The following NTNG1 variants were observed in gnomAD, a reference collection of about 807,000 sequenced individuals.
NTNG1 encodes the protein netrin G1.
A neutral mutation model predicts 54.0 loss-of-function variants in NTNG1; 16 were observed. The ratio of observed to expected loss-of-function variants is 0.30; its 90% CI spans 0.20 to 0.45. NTNG1 has a LOEUF of 0.45. NTNG1 is among the 20% of genes least tolerant of loss of function. NTNG1 has a pLI of 1.00. For missense variants in NTNG1, 530 were observed against 678.7 expected, an observed-to-expected ratio of 0.78 and a Z score of 2.43; for synonymous variants, 255 against 263.1, an observed-to-expected ratio of 0.97 and a Z score of 0.30.
chr1:107,288,204 G>T (rs1488558000), intron 2 of NTNG1, among the ~76,000 whole-genome samples: 3 of 152,122 alleles, frequency 2.0e-5, no homozygotes, highest in African/African-American at 7.2e-5. Flanking sequence ...TGAGGTAAAA[G>T]CAAGAGAAAA....
At chr1:107,363,456 C>T (rs1041924333) in intron 3 of NTNG1, among the ~76,000 whole-genome samples, 3 of 152,148 alleles carry the variant, frequency 2.0e-5, no homozygotes, top group Non-Finnish European at 2.9e-5. Context: ...AATATAACTG[C>T]GTTCAACATC....
At chr1:107,444,950 G>A (rs557237850) in intron 7 of NTNG1, among the ~76,000 whole-genome samples, 1 of 152,080 alleles carries the variant, frequency 6.6e-6, no homozygotes, top group Admixed American at 6.6e-5. Flanking sequence ...GTGTGAGTGT[G>A]TATGTAAGAA....
At chr1:107,173,022 G>T (rs1049974310) in intron 2 of NTNG1, among the ~76,000 whole-genome samples, 2 of 152,102 alleles carry the variant, frequency 1.3e-5, no homozygotes, top group African/African-American at 4.8e-5. Context: ...ATTAGTATGA[G>T]ATTGGTTCAG....
intron 2 of NTNG1, among the ~76,000 whole-genome samples, chr1:107,202,206 A>G (rs114873367): frequency 2.6e-3 from 391 of 151,940 alleles, no homozygotes; most frequent in African/African-American, 9.1e-3. Flanking sequence ...AATTTAATCC[A>G]TTTATATTTA....
chr1:107,174,272 A>G (rs1477487469), intron 2 of NTNG1, among the ~76,000 whole-genome samples: 2 of 152,110 alleles, frequency 1.3e-5, no homozygotes, highest in African/African-American at 4.8e-5. Context: ...CAAAAATAAA[A>G]AGCACAGTTA....
At chr1:107,477,273 C>T (rs777014887) in intron 7 of NTNG1, among the ~76,000 whole-genome samples, 32 of 152,150 alleles carry the variant, frequency 2.1e-4, no homozygotes, top group Admixed American at 3.3e-4. Context: ...GAACCTCTAA[C>T]GGTGTGATGA....
chr1:107,199,014 AT>A (rs201683079), intron 2 of NTNG1, among the ~76,000 whole-genome samples: 8,014 of 149,200 alleles, frequency 0.054, 221 homozygotes, highest in African/African-American at 0.078. Flanking sequence ...TGAAATTGCT[AT>A]TTTTTTTTTG....
At chr1:107,146,289 G>A (rs932102710) in intron 1 of NTNG1, among the ~76,000 whole-genome samples, 1 of 152,020 alleles carries the variant, frequency 6.6e-6, no homozygotes, top group Admixed American at 6.5e-5. Context: ...CACTGCTTCA[G>A]TTATAATGCC....
chr1:107,374,327 C>T (rs1671099991), intron 3 of NTNG1, among the ~76,000 whole-genome samples: 1 of 152,032 alleles, frequency 6.6e-6, no homozygotes, highest in Non-Finnish European at 1.5e-5. Context: ...ATTTGGCCCA[C>T]CCATCTCTCT....
chr1:107,456,657 AG>A (rs1324874855), intron 7 of NTNG1, among the ~76,000 whole-genome samples: 2 of 152,178 alleles, frequency 1.3e-5, no homozygotes, highest in Admixed American at 1.3e-4. Flanking sequence ...TGACTCTGAA[AG>A]TAGGTTAAAG....
intron 7 of NTNG1, among the ~76,000 whole-genome samples, chr1:107,450,596 G>C (rs1202788817): frequency 2.6e-5 from 4 of 151,944 alleles, no homozygotes; most frequent in Non-Finnish European, 5.9e-5. Context: ...AAAAAAGAAG[G>C]CTACAAAATT....
chr1:107,146,653 A>G (rs886138674), intron 1 of NTNG1, among the ~76,000 whole-genome samples: 3 of 152,104 alleles, frequency 2.0e-5, no homozygotes, highest in African/African-American at 7.2e-5. Flanking sequence ...ATAGGAACTC[A>G]AATATTCAAC....
rs535874079 is a variant in NTNG1, at chr1:107,407,628, T to C, written c.1061-54T>C. On this transcript the variant is annotated intron_variant, in intron 4 of 7. Transcript: ENST00000370068. ...AGATTTTTATATTAAGTTAAAGATGTTATGTACTAATAAATAGCTAACAGC... is the reference window on the plus strand; with the variant it reads ...AGATTTTTATATTAAGTTAAAGATGCTATGTACTAATAAATAGCTAACAGC... 2.2e-6 allele frequency: 3 copies of C among 1,385,022 alleles called. No homozygotes were observed. The East Asian group carries it at 6.9e-5, about 32-fold the overall frequency. The allele number at this position is 1,385,022 out of a possible 1,614,324, so 85.8% of individuals were successfully genotyped here.
chr1:107,362,266 G>T (rs1670346639), intron 3 of NTNG1, among the ~76,000 whole-genome samples: 1 of 152,138 alleles, frequency 6.6e-6, no homozygotes, highest in African/African-American at 2.4e-5. Context: ...CTTGCCCAAA[G>T]GAATAACTAA....
At chr1:107,242,669 A>C (rs1226176174) in intron 2 of NTNG1, among the ~76,000 whole-genome samples, 2 of 152,128 alleles carry the variant, frequency 1.3e-5, no homozygotes, top group African/African-American at 2.4e-5. Flanking sequence ...TAGTTGCTGT[A>C]TTTTTATATA....
In NTNG1 at chr1:107,148,124, A is replaced by T. The variant is rs1654267339; in HGVS notation, c.-470A>T. 6.4e-6 allele frequency: 1 copy of T among 156,720 alleles called. No homozygotes were observed. The highest frequency in any genetic ancestry group is 1.9e-4 in the South Asian group (1 of 5,160). The allele number at this position is 156,720 out of a possible 1,614,324, so 9.7% of individuals were successfully genotyped here. A position where few individuals can be genotyped will look rare whatever the true frequency, so the allele number is the denominator to read the frequency against. On this transcript the variant is annotated 5_prime_UTR_variant, in exon 2 of 8. Coordinates refer to ENST00000370068, the MANE Select transcript of NTNG1 (RefSeq NM_001113226.3). The stretch of plus-strand genomic sequence containing the variant: ...ATGGGAAACAGACACCGGGCTATAG[A>T]CACTCATCCTTTTGCTTCAGATACT...
In NTNG1 at chr1:107,173,424, T is replaced by C. The variant is rs181353538; in HGVS notation, c.246+24585T>C. ...AGACAAATTGAATAACCTGGCTTAT[T>C]GTTTGCTTGAGGCAGGGAAGAAGTA... is the stretch of plus-strand genomic sequence containing the variant. On this transcript the variant is annotated intron_variant, in intron 2 of 7. Coordinates refer to ENST00000370068, the MANE Select transcript of NTNG1 (RefSeq NM_001113226.3). Among the ~76,000 whole-genome samples, 774 of 152,304 alleles carry C rather than the reference T, an allele frequency of 5.1e-3. 4 individuals carry two copies. The highest frequency in any genetic ancestry group is 0.018 in the African/African-American group (732 of 41,586).
Position 107,430,868 on chromosome 1 carries a change from C to T in NTNG1, c.1206C>T (p.Gly402=), listed in dbSNP as rs1286485423. 6.2e-7 allele frequency: 1 copy of T among 1,613,220 alleles called. No homozygotes were observed. Among genetic ancestry groups the T allele is most frequent in the East Asian group, 2.2e-5 (1 of 44,766 alleles). ...RGQHCELCRL[G]YFRNASAQLD... is the part of the protein sequence containing the mutation. ...AGCACTGTGAGTTATGCAGGCTGGG[C>T]TACTTCAGAAATGCTTCTGCACAAC... Residue 402 remains glycine (G), a synonymous_variant, in exon 6 of 8, where the codon GGC becomes GGT. Transcript: ENST00000370068.
intron 3 of NTNG1, among the ~76,000 whole-genome samples, chr1:107,381,026 T>G (rs1381321898): frequency 1.3e-5 from 2 of 152,170 alleles, no homozygotes; most frequent in African/African-American, 4.8e-5. Context: ...TCAGAAATAG[T>G]AAAAACTTAA....
Sources: allele counts gnomAD v4.1 joint callset (sites outside exome capture counted in the v4.1 genomes callset), GRCh38; gene constraint gnomAD v4.1.1; transcripts MANE v1.5; gene names NCBI Gene and HGNC (gene_info 2026-07-23, HGNC 2026-07-21).